The following IGF2BP3 variants were observed in gnomAD, a reference collection of about 807,000 sequenced individuals.
The protein encoded by IGF2BP3 is insulin like growth factor 2 mRNA binding protein 3.
IGF2BP3 carries 9 observed loss-of-function variants against 73.8 expected under a neutral mutation model. The observed-to-expected ratio is 0.12, with a 90% CI of 0.07 to 0.21. The LOEUF (loss-of-function observed/expected upper bound fraction) is 0.21, where lower values mean the gene tolerates loss of function less well. Ranked by LOEUF, IGF2BP3 falls within the 10% of genes least tolerant of loss-of-function variation. IGF2BP3 has a pLI of 1.00. For missense variants in IGF2BP3, 542 were observed against 714.0 expected (o/e 0.76, Z 2.75); for synonymous variants, 258 against 256.7 (o/e 1.01, Z -0.05).
chr7:23,420,283 T>C (rs547192186), intron 2 of IGF2BP3, among the ~76,000 whole-genome samples: 22 of 152,078 alleles, frequency 1.4e-4, no homozygotes, highest in Admixed American at 3.3e-4. Context: ...CTGGACAACA[T>C]AGCCAAACCC....
intron 11 of IGF2BP3, among the ~76,000 whole-genome samples, chr7:23,318,315 C>A (rs1285629033): frequency 2.6e-5 from 4 of 152,122 alleles, no homozygotes; most frequent in African/African-American, 9.7e-5. Context: ...CTCAACCACC[C>A]AAGCTCAAGT....
chr7:23,333,243 G>C (rs1386994651), intron 10 of IGF2BP3, among the ~76,000 whole-genome samples: 3 of 152,178 alleles, frequency 2.0e-5, no homozygotes, highest in African/African-American at 7.2e-5. Context: ...AAAGTTAGTT[G>C]CATGATTTCC....
intron 3 of IGF2BP3, among the ~76,000 whole-genome samples, chr7:23,412,593 G>A (rs960542031): frequency 2.6e-5 from 4 of 152,230 alleles, no homozygotes; most frequent in Non-Finnish European, 4.4e-5. Flanking sequence ...AGTAAACACA[G>A]GGAAATATTG....
chr7:23,325,775 G>GT (rs1784278044), intron 10 of IGF2BP3, among the ~76,000 whole-genome samples: 1 of 151,990 alleles, frequency 6.6e-6, no homozygotes, highest in Non-Finnish European at 1.5e-5. Flanking sequence ...ATAACACCGC[G>GT]TATCTACAAC....
rs565949684 is a variant in IGF2BP3, at chr7:23,330,487, G to A, written c.1204-11233C>T. 3.8e-4 allele frequency among the ~76,000 whole-genome samples: 58 copies of A among 152,032 alleles called. No individual in the cohort carries two copies. The East Asian group carries it at 0.01, about 27-fold the overall frequency. ...GATTGGCCTTGGTATGACTTCCTGT[G>A]AGTCAAAAGAAATTTCTTTTGCGTA... On this transcript the variant is annotated intron_variant, in intron 10 of 14. Coordinates refer to ENST00000258729, the MANE Select transcript of IGF2BP3 (RefSeq NM_006547.3).
rs1325428866 is a variant in IGF2BP3, at chr7:23,424,266, A to G, written c.237-5442T>C. Among the ~76,000 whole-genome samples, 4 of 151,484 alleles carry G rather than the reference A, an allele frequency of 2.6e-5. No individual in the cohort carries two copies. In the East Asian group the frequency reaches 7.9e-4, roughly 30 times the overall value. On this transcript the variant is annotated intron_variant, in intron 2 of 14. Coordinates refer to ENST00000258729, the MANE Select transcript of IGF2BP3 (RefSeq NM_006547.3). ...GTAATCCCAGCACTTTGGGAGGCTG[A>G]GGTCGGGGGAATCATTAGGTCAGGA...
At chr7:23,342,295 T>C in intron 9 of IGF2BP3, 106 bp from the exon 10 acceptor site, 4 of 1,247,390 alleles carry the variant, frequency 3.2e-6, no homozygotes, top group East Asian at 2.5e-5. Context: ...AATAAAGAAA[T>C]GATTGTATAA....
chr7:23,399,801 A>G (rs535227277), intron 3 of IGF2BP3, among the ~76,000 whole-genome samples: 1 of 152,364 alleles, frequency 6.6e-6, no homozygotes, highest in Non-Finnish European at 1.5e-5. Flanking sequence ...GTTGACTATC[A>G]TTAAGGTCGG....
chr7:23,380,157 CTTTTTTTTTTT>C (rs10571084), intron 3 of IGF2BP3, among the ~76,000 whole-genome samples: 7 of 71,768 alleles, frequency 9.8e-5, no homozygotes, highest in Non-Finnish European at 1.8e-4. Context: ...CACTATGCCT[CTTTTTTTTTTT>C]TTTTTTTTTT....
intron 2 of IGF2BP3, among the ~76,000 whole-genome samples, chr7:23,446,514 A>G (rs1391661890): frequency 6.6e-6 from 1 of 152,082 alleles, no homozygotes; most frequent in Non-Finnish European, 1.5e-5. Flanking sequence ...CCGAGATCGC[A>G]CCACTGCACT....
At chr7:23,459,146 T>C (rs192264060) in intron 2 of IGF2BP3, among the ~76,000 whole-genome samples, 73 of 152,326 alleles carry the variant, frequency 4.8e-4, no homozygotes, top group African/African-American at 1.7e-3. Context: ...AGGACTTGCA[T>C]AGACAGCAGA....
At chr7:23,410,084 G>C (rs1445790377) in intron 3 of IGF2BP3, among the ~76,000 whole-genome samples, 1 of 152,016 alleles carries the variant, frequency 6.6e-6, no homozygotes, top group Non-Finnish European at 1.5e-5. Flanking sequence ...CACGAGAATC[G>C]CTTGAACCCA....
intron 4 of IGF2BP3, 33 bp downstream of exon 4, chr7:23,361,657 T>C (rs780644456): frequency 6.2e-7 from 1 of 1,613,744 alleles, no homozygotes; most frequent in Non-Finnish European, 8.5e-7. Context: ...TCCTTCCTTT[T>C]ACAAATTTGA....
At chr7:23,380,797 T>G (rs906139875) in intron 3 of IGF2BP3, among the ~76,000 whole-genome samples, 5 of 152,218 alleles carry the variant, frequency 3.3e-5, no homozygotes, top group African/African-American at 1.2e-4. Context: ...ACTGGGATGA[T>G]GCAGCTACAA....
chr7:23,340,861 T>C (rs1401512611), intron 10 of IGF2BP3, among the ~76,000 whole-genome samples: 1 of 147,006 alleles, frequency 6.8e-6, no homozygotes, highest in East Asian at 1.9e-4. Flanking sequence ...TTTTTTTTTT[T>C]TTTTCCCAGA....
At chr7:23,350,369 G>T (rs1784929515) in intron 6 of IGF2BP3, among the ~76,000 whole-genome samples, 1 of 152,184 alleles carries the variant, frequency 6.6e-6, no homozygotes, top group Non-Finnish European at 1.5e-5. Context: ...CTTGCACAAT[G>T]GTATTTTTGG....
chr7:23,441,375 C>T (rs987053300), intron 2 of IGF2BP3, among the ~76,000 whole-genome samples: 5 of 151,716 alleles, frequency 3.3e-5, no homozygotes, highest in African/African-American at 1.2e-4. Flanking sequence ...GAGATCGAGA[C>T]CATCCTGGCC....
chr7:23,437,783 C>T (rs552734726), intron 2 of IGF2BP3, among the ~76,000 whole-genome samples: 8 of 152,324 alleles, frequency 5.3e-5, no homozygotes, highest in Non-Finnish European at 1.2e-4. Flanking sequence ...TTCAGTGACT[C>T]CTTATGGGTA....
chr7:23,423,675 C>T (rs553106887), intron 2 of IGF2BP3, among the ~76,000 whole-genome samples: 1 of 152,062 alleles, frequency 6.6e-6, no homozygotes, highest in African/African-American at 2.4e-5. Flanking sequence ...GGGGGAAAGA[C>T]TCACAGAACC....
Sources: gnomAD v4.1 joint callset for allele counts (sites outside exome capture counted in the v4.1 genomes callset) on GRCh38, gnomAD v4.1.1 for gene constraint, MANE v1.5 for transcripts, NCBI Gene and HGNC (gene_info 2026-07-23, HGNC 2026-07-21) for gene names.